AKAP6: variants seen among roughly 807,000 people sequenced by gnomAD.
AKAP6 encodes the protein A-kinase anchor protein 6.
AKAP6 carries 58 observed loss-of-function variants against 188.5 expected under a neutral mutation model. The observed-to-expected ratio is 0.31, with a 90% CI of 0.25 to 0.38. The LOEUF (loss-of-function observed/expected upper bound fraction) is 0.38. AKAP6 is among the 10% of genes least tolerant of loss of function. AKAP6 has a pLI of 1.00. For missense variants in AKAP6, 2,710 were observed against 2,740.0 expected, an observed-to-expected ratio of 0.99 and a Z score of 0.24; for synonymous variants, 989 against 998.6, an observed-to-expected ratio of 0.99 and a Z score of 0.18.
intron 9 of AKAP6, among the ~76,000 whole-genome samples, chr14:32,724,660 G>A (rs1281227955): frequency 6.6e-6 from 1 of 152,078 alleles, no homozygotes; most frequent in Non-Finnish European, 1.5e-5. Flanking sequence ...TAGAGCAAAT[G>A]CCTTCCTACT....
chr14:32,659,151 C>T lies in AKAP6; in HGVS notation c.2731-19160C>T, dbSNP rs1406246155. On this transcript the variant is annotated intron_variant, in intron 7 of 13. Coordinates refer to ENST00000280979, the MANE Select transcript of AKAP6 (RefSeq NM_004274.5). ...GTGAACTTTTAGCACACGATGATTC[C>T]GCTGTTGCTACATTCATGGCTGCTC... is the stretch of plus-strand genomic sequence containing the variant. Among the ~76,000 whole-genome samples, 12 of 152,184 alleles carry T rather than the reference C, an allele frequency of 7.9e-5. No homozygotes were observed. In the East Asian group the frequency reaches 9.7e-4, roughly 12 times the overall value.
intron 4 of AKAP6, among the ~76,000 whole-genome samples, chr14:32,566,181 A>C (rs1017457598): frequency 2.0e-5 from 3 of 152,182 alleles, no homozygotes; most frequent in Admixed American, 1.3e-4. Flanking sequence ...GAAGCTCCAT[A>C]ACACGTGATA....
chr14:32,536,062 T>C (rs1882662178), intron 3 of AKAP6, among the ~76,000 whole-genome samples: 1 of 152,232 alleles, frequency 6.6e-6, no homozygotes, highest in South Asian at 2.1e-4. Context: ...CCTTTTCCTC[T>C]TCAATTATTT....
At chr14:32,725,569 A>G (rs56074376) in intron 9 of AKAP6, among the ~76,000 whole-genome samples, 16,379 of 152,212 alleles carry the variant, frequency 0.11, 1,078 homozygotes, top group Non-Finnish European at 0.14. Flanking sequence ...AGAGTTGCAG[A>G]CTAGCAATAT....
chr14:32,409,124 T>C (rs913293651), intron 1 of AKAP6, among the ~76,000 whole-genome samples: 4 of 152,102 alleles, frequency 2.6e-5, no homozygotes, highest in Non-Finnish European at 5.9e-5. Context: ...CACTTGAACC[T>C]GGCAGGTGGA....
At chr14:32,652,242 G>A (rs546451655) in intron 7 of AKAP6, among the ~76,000 whole-genome samples, 20 of 152,070 alleles carry the variant, frequency 1.3e-4, no homozygotes, top group African/African-American at 4.6e-4. Context: ...CTTAGCAATA[G>A]AAGCTGAAAA....
At chr14:32,763,537 T>C (rs1238153518) in intron 11 of AKAP6, among the ~76,000 whole-genome samples, 1 of 152,128 alleles carries the variant, frequency 6.6e-6, no homozygotes, top group Non-Finnish European at 1.5e-5. Context: ...ATGTATGTTA[T>C]GTAAATGAGC....
intron 9 of AKAP6, among the ~76,000 whole-genome samples, chr14:32,711,937 T>C (rs934326797): frequency 2.6e-5 from 4 of 151,966 alleles, no homozygotes; most frequent in African/African-American, 7.2e-5. Flanking sequence ...CCAACTTCAG[T>C]ATTTTCTCTT....
chr14:32,824,219 C>T lies in AKAP6; in HGVS notation c.6406C>T (p.Pro2136Ser). ...TTACATAGAAGAGAAAAGCAGCACT[C>T]CATTGCCACTAGACACCACTGACTC... is the stretch of plus-strand genomic sequence containing the variant. ...TNYIEEKSSTPLPLDTTDSGL... is the reference protein window; with the variant it reads ...TNYIEEKSSTSLPLDTTDSGL... Residue 2136 changes from proline to serine, a missense_variant, in exon 13 of 14, where the codon CCA (proline) becomes TCA (serine). This residue lies in a region of AKAP6 where 2,473 missense variants were observed against 2,426.1 expected (regional missense o/e 1.02). Transcript: ENST00000280979. 1 of 1,613,954 alleles carries T rather than the reference C, an allele frequency of 6.2e-7. No individual in the cohort carries two copies. Among genetic ancestry groups the T allele is most frequent in the Non-Finnish European group, 8.5e-7 (1 of 1,179,936 alleles).
intron 1 of AKAP6, among the ~76,000 whole-genome samples, chr14:32,383,543 G>A (rs1420078392): frequency 1.3e-5 from 2 of 152,170 alleles, no homozygotes; most frequent in African/African-American, 4.8e-5. Context: ...TTACAGTGGA[G>A]TTACATCATG....
At position 32,546,737 on chromosome 14, in the gene AKAP6, G is replaced by A; in HGVS notation, c.2084G>A (p.Arg695Lys). ...AAAAAGAAGCATACAAGGCTAGGCA[G>A]GGTGTCTCCAAGCTCATCTAGTGAC... Reference protein sequence around the residue: ...HVKKKHTRLGRVSPSSSSDIA... With the variant: ...HVKKKHTRLGKVSPSSSSDIA... Residue 695 changes from arginine to lysine, a missense_variant, in exon 4 of 14, where the codon AGG becomes AAG. This residue lies in a region of AKAP6 where 2,473 missense variants were observed against 2,426.1 expected (regional missense o/e 1.02). Coordinates refer to ENST00000280979, the MANE Select transcript of AKAP6 (RefSeq NM_004274.5). The A allele has an allele frequency of 6.2e-7, 1 of 1,614,124 alleles. No homozygotes were observed.
chr14:32,598,493 A>C (rs753368372), intron 5 of AKAP6, among the ~76,000 whole-genome samples: 9 of 152,276 alleles, frequency 5.9e-5, no homozygotes, highest in South Asian at 2.1e-4. Flanking sequence ...TCCCCTTCAG[A>C]GTGTTATTGT....
chr14:32,678,585 G>A (rs1889538526), intron 8 of AKAP6, 126 bp downstream of exon 8: 1 of 1,045,172 alleles, frequency 9.6e-7, no homozygotes, highest in East Asian at 2.6e-5. Context: ...AGTAGACTAG[G>A]CATTAATGTT....
At chr14:32,683,446 T>C (rs1283719305) in intron 8 of AKAP6, among the ~76,000 whole-genome samples, 2 of 151,228 alleles carry the variant, frequency 1.3e-5, no homozygotes, top group African/African-American at 4.9e-5. Context: ...ATGAAGAGAG[T>C]GAGGGAGAAG....
At chr14:32,515,319 G>A (rs186002971) in intron 2 of AKAP6, among the ~76,000 whole-genome samples, 2 of 152,246 alleles carry the variant, frequency 1.3e-5, no homozygotes, top group African/African-American at 4.8e-5. Context: ...GACACATGGG[G>A]ATTATTACAA....
chr14:32,826,390 C>T (rs1199768496), intron 13 of AKAP6, among the ~76,000 whole-genome samples: 1 of 152,172 alleles, frequency 6.6e-6, no homozygotes, highest in Non-Finnish European at 1.5e-5. Context: ...GTAAAACTGA[C>T]CATTAAGGGA....
intron 7 of AKAP6, among the ~76,000 whole-genome samples, chr14:32,669,022 T>A (rs1889066264): frequency 6.6e-6 from 1 of 152,172 alleles, no homozygotes; most frequent in Admixed American, 6.5e-5. Flanking sequence ...TTTGGCAATA[T>A]CTTTGAAGTA....
At chr14:32,401,475 A>G (rs775682399) in intron 1 of AKAP6, among the ~76,000 whole-genome samples, 9 of 152,028 alleles carry the variant, frequency 5.9e-5, no homozygotes, top group Non-Finnish European at 1.2e-4. Flanking sequence ...ACTTTACCCC[A>G]CCACACACAC....
At chr14:32,548,539 TAGATAG>T (rs1883306254) in intron 4 of AKAP6, among the ~76,000 whole-genome samples, 2 of 136,642 alleles carry the variant, frequency 1.5e-5, no homozygotes, top group Non-Finnish European at 3.2e-5. Flanking sequence ...AATAGATAGA[TAGATAG>T]ATAGATAGAT....
Sources: gnomAD v4.1 joint callset for allele counts (sites outside exome capture counted in the v4.1 genomes callset) on GRCh38, gnomAD v4.1.1 for gene constraint, gnomAD v4.1.1 regional missense constraint, MANE v1.5 for transcripts, NCBI Gene and HGNC (gene_info 2026-07-23, HGNC 2026-07-21) for gene names.